The following OPN4 variants were observed in gnomAD, a reference collection of about 807,000 sequenced individuals.
OPN4 encodes the protein opsin 4, also known as melanopsin.
A neutral mutation model predicts 49.5 loss-of-function variants in OPN4; 43 were observed. The observed-to-expected ratio is 0.87, with a 90% confidence interval of 0.68 to 1.12. OPN4 has a LOEUF of 1.12. Among genes scored for constraint, OPN4 ranks in the 50% most tolerant of loss-of-function variants. OPN4 has a pLI of 0.00. For synonymous variants in OPN4, 263 were observed against 258.0 expected (o/e 1.02, Z -0.19); for missense variants, 657 against 643.9 (o/e 1.02, Z -0.22).
At chr10:86,660,315 C>A (rs1409622258) in intron 6 of OPN4, among the ~76,000 whole-genome samples, 3 of 152,194 alleles carry the variant, frequency 2.0e-5, no homozygotes, top group Non-Finnish European at 4.4e-5. Context: ...GGCCTGCCAG[C>A]CCCCTTTGGA....
chr10:86,663,902 G>A (rs1313830552), intron 9 of OPN4, 100 bp downstream of exon 9: 1 of 1,388,682 alleles, frequency 7.2e-7, no homozygotes, highest in South Asian at 1.4e-5. Flanking sequence ...TCATGGGCAG[G>A]GGCGATATCC....
Position 86,659,887 on chromosome 10 carries a change from C to T in OPN4, c.801-8C>T. The T allele has an allele frequency of 1.2e-6, 2 of 1,613,956 alleles. No homozygotes were observed. Among genetic ancestry groups the T allele is most frequent in the Non-Finnish European group, 1.7e-6 (2 of 1,179,914 alleles). ...TAGGGTCAGACCTGGACGATGCGTC[C>T]TTCCTAGGGCTCTCCAGACCTTCGG... On this transcript the variant is annotated splice_region_variant and splice_polypyrimidine_tract_variant and intron_variant, in intron 5 of 9. Transcript: ENST00000241891.
chr10:86,659,251 G>T (rs17425122), intron 4 of OPN4, 46 bp from the exon 5 acceptor site: 45,422 of 1,496,534 alleles, frequency 0.03, 1,381 homozygotes, highest in Admixed American at 0.16. Context: ...ATAAGGAGCC[G>T]TGGTCAGTGC....
At chr10:86,657,154 C>A (rs764958685) in intron 2 of OPN4, 2 of 779,466 alleles carry the variant, frequency 2.6e-6, no homozygotes, top group African/African-American at 1.7e-5. Flanking sequence ...CTGGGCACGT[C>A]ATTTCTCCTC....
At position 86,663,726 on chromosome 10, in the gene OPN4, A is replaced by T. The variant is rs1228708106; in HGVS notation, c.1322A>T (p.Tyr441Phe). 6.3e-7 allele frequency: 1 copy of T among 1,581,370 alleles called. No individual in the cohort carries two copies. Among genetic ancestry groups the T allele is most frequent in the South Asian group, 1.2e-5 (1 of 85,838 alleles). Residue 441 changes from tyrosine to phenylalanine, a missense_variant, in exon 9 of 10, where the codon TAC becomes TTC. Coordinates refer to ENST00000241891, the MANE Select transcript of OPN4 (RefSeq NM_033282.4). ...CAGCAAGCAAATGGGCGGTCCCTCT[A>T]CGGTCAGGGTCTGGAGGACTTGGAA... ...AAQQANGRSL[Y>F]GQGLEDLEAK...
chr10:86,664,462 G>A (rs1345472242), intron 9 of OPN4, among the ~76,000 whole-genome samples: 2 of 152,166 alleles, frequency 1.3e-5, no homozygotes, highest in African/African-American at 4.8e-5. Context: ...GAATGTTGAT[G>A]GCGATTAGAG....
Position 86,665,820 on chromosome 10 carries a change from AC to A in OPN4, c.*72del. On this transcript the variant is annotated 3_prime_UTR_variant, in exon 10 of 10. Transcript: ENST00000241891. Reference sequence around the variant, plus strand: ...CCCCACGTCTCCCTCATATACACAGACCCAGGATTATGCTGTGAGCCTGCAG... The same window carrying A: ...CCCCACGTCTCCCTCATATACACAGACCAGGATTATGCTGTGAGCCTGCAG... 1 of 1,229,030 alleles carries A rather than the reference AC, an allele frequency of 8.1e-7. No individual in the cohort carries two copies. Among genetic ancestry groups the A allele is most frequent in the Non-Finnish European group, 1.2e-6 (1 of 839,718 alleles). 76.1% of individuals were successfully genotyped at this position (1,229,030 alleles called of 1,614,324 possible). A position where few individuals can be genotyped will look rare whatever the true frequency, so the allele number is the denominator to read the frequency against.
At chr10:86,659,201 T>C in intron 4 of OPN4, 96 bp from the exon 5 acceptor site, 1 of 965,114 alleles carries the variant, frequency 1.0e-6, no homozygotes, top group Non-Finnish European at 1.6e-6. Context: ...GCCAGGGCTG[T>C]GTATGGGGAC....
chr10:86,665,044 G>A (rs1003965782), intron 9 of OPN4, among the ~76,000 whole-genome samples: 2 of 152,162 alleles, frequency 1.3e-5, no homozygotes, highest in East Asian at 1.9e-4. Context: ...GGTGGGGAGT[G>A]GGGGGAGCAC....
At position 86,654,730 on chromosome 10, in the gene OPN4, T is replaced by TCCCTGTGCC; in HGVS notation, c.-52_-44dup. 6.4e-7 allele frequency: 1 copy of TCCCTGTGCC among 1,574,118 alleles called. No individual in the cohort carries two copies. Among genetic ancestry groups the TCCCTGTGCC allele is most frequent in the Non-Finnish European group, 8.7e-7 (1 of 1,153,352 alleles). The stretch of plus-strand genomic sequence containing the variant: ...GCTGAGCACAGCTGAAGTCCTGAGC[T>TCCCTGTGCC]CCCTGTGCCCTTGACTTCTCTGTGG... On this transcript the variant is annotated 5_prime_UTR_variant, in exon 1 of 10. Transcript: ENST00000241891.
intron 7 of OPN4, among the ~76,000 whole-genome samples, 191 bp downstream of exon 7, chr10:86,661,579 G>A (rs188651126): frequency 8.2e-4 from 125 of 152,226 alleles, no homozygotes; most frequent in African/African-American, 2.9e-3. Context: ...CTTCCCAGGG[G>A]TCACGGTGTG....
intron 1 of OPN4, 84 bp downstream of exon 1, chr10:86,655,011 C>T: frequency 7.1e-7 from 1 of 1,409,282 alleles, no homozygotes; most frequent in Non-Finnish European, 9.7e-7. Context: ...GGGGCTTTGA[C>T]AGGGAGATAG....
rs1385742728 is a variant in OPN4 at position 86,659,986 on chromosome 10, A to G, written c.892A>G (p.Met298Val). 1 of 1,614,086 alleles carries G rather than the reference A, an allele frequency of 6.2e-7. No individual in the cohort carries two copies. Among genetic ancestry groups the G allele is most frequent in the South Asian group, 1.1e-5 (1 of 91,082 alleles). The change falls in exon 6 of 10, where the codon ATG becomes GTG. Residue 298 changes from methionine (M) to valine (V), a missense_variant. Coordinates refer to ENST00000241891, the MANE Select transcript of OPN4 (RefSeq NM_033282.4). ...LQSECKMAKI[M>V]LLVILLFVLS... ...GAGCGAGTGCAAGATGGCCAAGATC[A>G]TGCTGCTGGTCATCCTCCTCTTCGT...
Position 86,666,066 on chromosome 10 carries a change from G to C in OPN4, c.*315G>C, listed in dbSNP as rs1419505268. On this transcript the variant is annotated 3_prime_UTR_variant, in exon 10 of 10. Coordinates refer to ENST00000241891, the MANE Select transcript of OPN4 (RefSeq NM_033282.4). ...AAATGCTGTGTGCTGCAATTGTCCAGGCGATGACAATGGTGATGGCTCCAG... is the reference window on the plus strand; with the variant it reads ...AAATGCTGTGTGCTGCAATTGTCCACGCGATGACAATGGTGATGGCTCCAG... 2.5e-6 allele frequency: 1 copy of C among 403,552 alleles called. No individual in the cohort carries two copies. Among genetic ancestry groups the C allele is most frequent in the African/African-American group, 2.0e-5 (1 of 49,036 alleles). 25.0% of individuals were successfully genotyped at this position (403,552 alleles called of 1,614,324 possible).
chr10:86,665,907 C>T lies in OPN4; in HGVS notation c.*156C>T. ...GATTCACAGCCCCAGCCCCATGGCC[C>T]CTCTCCACACCTCAAAACTCCTGCC... is the stretch of plus-strand genomic sequence containing the variant. On this transcript the variant is annotated 3_prime_UTR_variant, in exon 10 of 10. Coordinates refer to ENST00000241891, the MANE Select transcript of OPN4 (RefSeq NM_033282.4). The T allele has an allele frequency of 1.6e-6, 1 of 621,048 alleles. No individual in the cohort carries two copies. The highest frequency in any genetic ancestry group is 1.9e-5 in the South Asian group (1 of 51,764). 38.5% of individuals were successfully genotyped at this position (621,048 alleles called of 1,614,324 possible).
At chr10:86,661,098 A>G (rs1462134797) in intron 6 of OPN4, among the ~76,000 whole-genome samples, 183 bp from the exon 7 acceptor site, 2 of 150,250 alleles carry the variant, frequency 1.3e-5, no homozygotes, top group Non-Finnish European at 3.0e-5. Context: ...CTGCCACTCC[A>G]GCATGGGCGA....
rs772210171 is a variant in OPN4, at chr10:86,659,468, G to A, written c.800G>A (p.Arg267Gln). ...TTCAGGGCCATCCGGGAGACAGGAC[G>A]GTAAGAGCCGAGCATGGAGGGGGGC... ...FIFRAIRETG[R>Q]ALQTFGACKG... The change falls in exon 5 of 10, where the codon CGG (arginine) becomes CAG (glutamine). Residue 267 changes from arginine (R) to glutamine (Q), a missense_variant and splice_region_variant. By Grantham distance (43) the Arg-to-Gln change is conservative. Coordinates refer to ENST00000241891, the MANE Select transcript of OPN4 (RefSeq NM_033282.4). 3.3e-5 allele frequency: 53 copies of A among 1,613,486 alleles called. No individual in the cohort carries two copies. Among genetic ancestry groups the A allele is most frequent in the Non-Finnish European group, 4.0e-5 (47 of 1,179,884 alleles).
At position 86,658,688 on chromosome 10, in the gene OPN4, G is replaced by A; in HGVS notation, c.628+1G>A. 6.2e-7 allele frequency: 1 copy of A among 1,611,114 alleles called. No homozygotes were observed. Among genetic ancestry groups the A allele is most frequent in the Non-Finnish European group, 8.5e-7 (1 of 1,179,976 alleles). ...AGTCTGCCACCCTTCTTCGGCTGGAGTAAGTGGGCTGCTGGAACTGGAAGG... is the reference window on the plus strand; with the variant it reads ...AGTCTGCCACCCTTCTTCGGCTGGAATAAGTGGGCTGCTGGAACTGGAAGG... On this transcript the variant is annotated splice_donor_variant, in intron 4 of 9. Transcript: ENST00000241891. LOFTEE classifies it high-confidence loss of function.
intron 3 of OPN4, 22 bp downstream of exon 3, chr10:86,658,187 T>G: frequency 1.9e-6 from 3 of 1,611,192 alleles, no homozygotes; most frequent in Non-Finnish European, 2.5e-6. Context: ...GGCTCCCTTT[T>G]GCTGGAGGGA....
Sources: allele counts gnomAD v4.1 joint callset (sites outside exome capture counted in the v4.1 genomes callset), GRCh38; gene constraint gnomAD v4.1.1; transcripts MANE v1.5; gene names NCBI Gene and HGNC (gene_info 2026-07-23, HGNC 2026-07-21).